LRRC4C: variants seen among roughly 807,000 people sequenced by gnomAD.
LRRC4C encodes leucine-rich repeat-containing protein 4C.
A neutral mutation model predicts 33.6 loss-of-function variants in LRRC4C; 5 were observed. That is an observed-to-expected ratio of 0.15 (90% CI 0.08 to 0.31). LRRC4C has a LOEUF of 0.31. Ranked by LOEUF, LRRC4C falls within the 10% of genes least tolerant of loss-of-function variation. The pLI is 1.00. For synonymous variants in LRRC4C, 329 were observed against 302.0 expected, an observed-to-expected ratio of 1.09 and a Z score of -0.93; for missense variants, 560 against 796.7, an observed-to-expected ratio of 0.70 and a Z score of 3.58.
At chr11:40,544,402 C>T (rs1315333166) in intron 3 of LRRC4C, among the ~76,000 whole-genome samples, 1 of 152,056 alleles carries the variant, frequency 6.6e-6, no homozygotes, top group Non-Finnish European at 1.5e-5. Context: ...TACCTTCCTG[C>T]CACAGGCTTA....
intron 2 of LRRC4C, among the ~76,000 whole-genome samples, chr11:40,776,064 G>C (rs1237875937): frequency 1.3e-5 from 2 of 151,970 alleles, no homozygotes; most frequent in East Asian, 1.9e-4. Flanking sequence ...TGTATATGTG[G>C]TGAATCACAT....
At chr11:40,142,856 C>A (rs1033671871) in intron 5 of LRRC4C, among the ~76,000 whole-genome samples, 1 of 152,118 alleles carries the variant, frequency 6.6e-6, no homozygotes, top group Non-Finnish European at 1.5e-5. Flanking sequence ...TTTTTCAAGA[C>A]CTCCACTTGG....
intron 1 of LRRC4C, among the ~76,000 whole-genome samples, chr11:41,232,647 A>T (rs1011189156): frequency 1.3e-5 from 2 of 152,060 alleles, no homozygotes; most frequent in Non-Finnish European, 2.9e-5. Flanking sequence ...TCATCTAGCC[A>T]TTAAATAATT....
At chr11:40,890,783 A>G (rs1955667428) in intron 2 of LRRC4C, among the ~76,000 whole-genome samples, 1 of 152,136 alleles carries the variant, frequency 6.6e-6, no homozygotes, top group Non-Finnish European at 1.5e-5. Context: ...AACATACTTA[A>G]TCCCCAAAAT....
intron 3 of LRRC4C, among the ~76,000 whole-genome samples, chr11:40,324,754 G>A (rs183759164): frequency 6.6e-6 from 1 of 152,258 alleles, no homozygotes; most frequent in Admixed American, 6.5e-5. Flanking sequence ...AAAAATTATG[G>A]AGAAATAAAC....
intron 2 of LRRC4C, among the ~76,000 whole-genome samples, chr11:40,651,216 T>C (rs1942776080): frequency 6.6e-6 from 1 of 152,206 alleles, no homozygotes; most frequent in African/African-American, 2.4e-5. Flanking sequence ...TTGATCAGTG[T>C]CATTCTGTTT....
chr11:40,774,247 T>G (rs1047001182), intron 2 of LRRC4C, among the ~76,000 whole-genome samples: 4 of 152,120 alleles, frequency 2.6e-5, no homozygotes, highest in African/African-American at 9.7e-5. Flanking sequence ...TATTTACCTG[T>G]TGAAGGACAT....
At chr11:40,201,964 T>A (rs1215102336) in intron 5 of LRRC4C, among the ~76,000 whole-genome samples, 1 of 152,088 alleles carries the variant, frequency 6.6e-6, no homozygotes, top group Admixed American at 6.6e-5. Context: ...GAGGCCAAAT[T>A]AACATATAAT....
At chr11:40,356,010 A>T (rs775649965) in intron 3 of LRRC4C, among the ~76,000 whole-genome samples, 3 of 120,738 alleles carry the variant, frequency 2.5e-5, no homozygotes, top group African/African-American at 9.2e-5. Context: ...GATTAAGTGC[A>T]TAAACTGAGA....
At chr11:40,613,668 C>T (rs1961464165) in intron 3 of LRRC4C, among the ~76,000 whole-genome samples, 1 of 151,792 alleles carries the variant, frequency 6.6e-6, no homozygotes, top group Non-Finnish European at 1.5e-5. Flanking sequence ...ATCCTTTCTA[C>T]AAGATTTCCA....
chr11:41,160,969 T>C (rs10430986), intron 1 of LRRC4C, among the ~76,000 whole-genome samples: 6,506 of 152,262 alleles, frequency 0.043, 164 homozygotes, highest in East Asian at 0.07. Flanking sequence ...TTTTGGCTTT[T>C]GAGGAATGGG....
chr11:40,781,441 C>T (rs540658031), intron 2 of LRRC4C, among the ~76,000 whole-genome samples: 18 of 152,200 alleles, frequency 1.2e-4, no homozygotes, highest in African/African-American at 3.9e-4. Context: ...TTTAGGATTG[C>T]CTGCTATAGC....
At chr11:40,355,555 G>C (rs575917804) in intron 3 of LRRC4C, among the ~76,000 whole-genome samples, 9 of 152,110 alleles carry the variant, frequency 5.9e-5, no homozygotes, top group Non-Finnish European at 1.2e-4. Context: ...TCCCTCCATG[G>C]GCACCAGCTG....
chr11:41,266,006 A>G (rs1260834166), intron 1 of LRRC4C, among the ~76,000 whole-genome samples: 4 of 152,122 alleles, frequency 2.6e-5, no homozygotes, highest in Non-Finnish European at 4.4e-5. Context: ...GTTATATCAC[A>G]TGGTAGCTGG....
intron 3 of LRRC4C, among the ~76,000 whole-genome samples, chr11:40,528,561 C>T (rs192376900): frequency 7.3e-5 from 11 of 151,648 alleles, no homozygotes; most frequent in East Asian, 1.9e-4. Flanking sequence ...ATAATGCAGC[C>T]GCTGTGGAAA....
chr11:40,441,978 C>T (rs143921431), intron 3 of LRRC4C, among the ~76,000 whole-genome samples: 3,294 of 151,862 alleles, frequency 0.022, 120 homozygotes, highest in African/African-American at 0.075. Flanking sequence ...TTGGCTAACA[C>T]GGTGAAACCC....
chr11:40,568,601 A>G (rs1259275890), intron 3 of LRRC4C, among the ~76,000 whole-genome samples: 1 of 152,008 alleles, frequency 6.6e-6, no homozygotes. Flanking sequence ...GCCATGCATC[A>G]GATTTAGGGG....
chr11:40,208,115 G>GA (rs1284178244), intron 5 of LRRC4C, among the ~76,000 whole-genome samples: 2 of 152,044 alleles, frequency 1.3e-5, no homozygotes, highest in African/African-American at 4.8e-5. Context: ...GAAATTTTCA[G>GA]AAAAAAGTAC....
At chr11:40,411,814 T>A (rs1293969363) in intron 3 of LRRC4C, among the ~76,000 whole-genome samples, 2 of 152,008 alleles carry the variant, frequency 1.3e-5, no homozygotes, top group South Asian at 2.1e-4. Context: ...AAATAAAAAC[T>A]GATAGTGATA....
Sources: allele counts gnomAD v4.1 joint callset (sites outside exome capture counted in the v4.1 genomes callset), GRCh38; gene constraint gnomAD v4.1.1; transcripts MANE v1.5; gene names NCBI Gene and HGNC (gene_info 2026-07-23, HGNC 2026-07-21).